MRPS22: variants seen among roughly 807,000 people sequenced by gnomAD.
MRPS22 encodes mitochondrial ribosomal protein S22.
MRPS22 carries 30 observed loss-of-function variants against 44.0 expected under a neutral mutation model. The ratio of observed to expected loss-of-function variants is 0.68; its 90% CI spans 0.51 to 0.93. The LOEUF is 0.93. Among genes scored for constraint, MRPS22 ranks in the 40% least tolerant of loss-of-function variants. The pLI is 0.00. For missense variants in MRPS22, 447 were observed against 447.8 expected (o/e 1.00, Z 0.02); for synonymous variants, 165 against 154.4 (o/e 1.07, Z -0.51).
chr3:139,349,578 C>T, intron 3 of MRPS22: 1 of 219,130 alleles, frequency 4.6e-6, no homozygotes, highest in South Asian at 5.5e-5. Context: ...GGGTAAATTT[C>T]CAGTTGAATG....
chr3:139,347,789 C>T (rs1458569002), intron 2 of MRPS22, among the ~76,000 whole-genome samples: 1 of 152,204 alleles, frequency 6.6e-6, no homozygotes, highest in Non-Finnish European at 1.5e-5. Flanking sequence ...GCACCTAACT[C>T]ATAAGGTAAT....
At chr3:139,356,009 T>C (rs1941251472) in intron 7 of MRPS22, among the ~76,000 whole-genome samples, 1 of 152,162 alleles carries the variant, frequency 6.6e-6, no homozygotes, top group Admixed American at 6.5e-5. Context: ...TTGAGTGATG[T>C]GGTGCTAGCA....
chr3:139,355,538 T>C, intron 6 of MRPS22, 144 bp from the exon 7 acceptor site: 1 of 735,558 alleles, frequency 1.4e-6, no homozygotes, highest in South Asian at 1.6e-5. Context: ...CTTTTGAAAC[T>C]GTAAAACTGA....
intron 1 of MRPS22, among the ~76,000 whole-genome samples, chr3:139,345,719 A>C (rs565127097): frequency 3.3e-5 from 5 of 152,288 alleles, no homozygotes; most frequent in African/African-American, 1.2e-4. Flanking sequence ...TGTATGGCCT[A>C]CTGGATGATG....
chr3:139,350,726 A>G (rs867643432), intron 4 of MRPS22: 5 of 509,298 alleles, frequency 9.8e-6, no homozygotes, highest in South Asian at 4.1e-5. Context: ...GTGAGCCACC[A>G]TGCCTGGCCG....
intron 3 of MRPS22, chr3:139,349,318 C>A (rs1293251917): frequency 2.3e-6 from 1 of 433,084 alleles, no homozygotes; most frequent in Admixed American, 2.7e-5. Context: ...TTTTTTTTTT[C>A]GATTGGCAGT....
intron 6 of MRPS22, among the ~76,000 whole-genome samples, chr3:139,354,567 A>G (rs554552229): frequency 6.6e-6 from 1 of 152,206 alleles, no homozygotes; most frequent in South Asian, 2.1e-4. Flanking sequence ...GAAAAGCTTT[A>G]TGATACAACA....
intron 3 of MRPS22, chr3:139,348,538 A>C (rs149709950): frequency 1.8e-6 from 1 of 564,162 alleles, no homozygotes; most frequent in Admixed American, 2.8e-5. Flanking sequence ...TAATAGGCAC[A>C]GTATTTTCCA....
Position 139,352,696 on chromosome 3 carries a change from T to G in MRPS22, c.782T>G (p.Leu261Arg), listed in dbSNP as rs1208923971. ...EDIDKRGKYD[L>R]LRSTRYFGGM... Reference sequence around the variant, plus strand: ...ATAGATAAACGTGGAAAATATGACCTTTTACGTTCAACAAGATACTTTGGT... The same window carrying G: ...ATAGATAAACGTGGAAAATATGACCGTTTACGTTCAACAAGATACTTTGGT... The change falls in exon 6 of 8, where the codon CTT (leucine) becomes CGT (arginine). Residue 261 changes from leucine (L) to arginine (R), a missense_variant. Coordinates refer to ENST00000680020, the MANE Select transcript of MRPS22 (RefSeq NM_020191.4). The G allele has an allele frequency of 6.2e-7, 1 of 1,613,370 alleles. No individual in the cohort carries two copies. The highest frequency in any genetic ancestry group is 1.3e-5 in the African/African-American group (1 of 74,928).
At chr3:139,354,297 A>C (rs1234797569) in intron 6 of MRPS22, among the ~76,000 whole-genome samples, 6 of 152,206 alleles carry the variant, frequency 3.9e-5, no homozygotes, top group Admixed American at 3.3e-4. Context: ...TTTGCTCTTT[A>C]AGTATGGGTG....
chr3:139,352,185 T>C (rs987787459), intron 5 of MRPS22: 1 of 174,990 alleles, frequency 5.7e-6, no homozygotes, highest in African/African-American at 2.4e-5. Context: ...GTACTTAATA[T>C]GGCTATAAAT....
intron 5 of MRPS22, 95 bp downstream of exon 5, chr3:139,351,155 C>T (rs1941144188): frequency 1.1e-6 from 1 of 920,590 alleles, no homozygotes; most frequent in Non-Finnish European, 1.8e-6. Flanking sequence ...AGTTTTGATA[C>T]AGGGGAAAGG....
chr3:139,348,049 CCTT>C (rs1163500992), intron 2 of MRPS22, 108 bp from the exon 3 acceptor site: 1 of 1,133,662 alleles, frequency 8.8e-7, no homozygotes, highest in Non-Finnish European at 1.3e-6. Context: ...TGTGGCTACA[CCTT>C]CTTTTCTATG....
chr3:139,355,709 G>T lies in MRPS22; in HGVS notation c.906G>T (p.Gln302His), dbSNP rs776979865. 108 of 1,614,040 alleles carry T rather than the reference G, an allele frequency of 6.7e-5. No homozygotes were observed. Among genetic ancestry groups the T allele is most frequent in the Non-Finnish European group, 8.9e-5 (105 of 1,180,002 alleles). Residue 302 changes from glutamine (Q) to histidine (H), a missense_variant, in exon 7 of 8, where the codon CAG becomes CAT. Physicochemically the swap from Gln to His is conservative, Grantham distance 24 (BLOSUM62 0). Transcript: ENST00000680020. ...TCGATGATGCAACCAACTTGGTCCA[G>T]CTGTATCACGTGCTCCATCCAGATG... is the stretch of plus-strand genomic sequence containing the variant. ...DLIDDATNLV[Q>H]LYHVLHPDGQ...
At chr3:139,344,374 G>T (rs1242471076) in intron 1 of MRPS22, among the ~76,000 whole-genome samples, 176 bp downstream of exon 1, 1 of 152,156 alleles carries the variant, frequency 6.6e-6, no homozygotes, top group African/African-American at 2.4e-5. Context: ...CTGTTCATTC[G>T]TTCACTCACT....
chr3:139,350,399 A>G, intron 4 of MRPS22, 77 bp downstream of exon 4: 1 of 1,500,952 alleles, frequency 6.7e-7, no homozygotes, highest in South Asian at 1.2e-5. Flanking sequence ...TTGTGCCTTG[A>G]TCCAGATAAA....
At chr3:139,347,389 T>C (rs1475803622) in intron 2 of MRPS22, among the ~76,000 whole-genome samples, 1 of 152,040 alleles carries the variant, frequency 6.6e-6, no homozygotes, top group South Asian at 2.1e-4. Context: ...TTTGGGGAGA[T>C]TGTGAGATCC....
In MRPS22 at chr3:139,348,191, TA is replaced by T. The variant is rs1941081900; in HGVS notation, c.372del (p.Arg125AspfsTer2). 1 of 1,614,162 alleles carries T rather than the reference TA, an allele frequency of 6.2e-7. No individual in the cohort carries two copies. The highest frequency in any genetic ancestry group is 8.5e-7 in the Non-Finnish European group (1 of 1,180,016). ...ATRQAVEAAK[V>X]RLKMPPVLEE... The stretch of plus-strand genomic sequence containing the variant: ...AGACAGGCAGTTGAGGCAGCTAAAG[TA>T]CGATTAAAAATGCCACCAGTTCTGG... On this transcript the variant is annotated frameshift_variant, in exon 3 of 8. Coordinates refer to ENST00000680020, the MANE Select transcript of MRPS22 (RefSeq NM_020191.4). LOFTEE classifies it high-confidence loss of function.
chr3:139,345,457 T>G lies in MRPS22; in HGVS notation c.172+1259T>G, dbSNP rs554480908. ...AGTGGTGTTTTTTTTTTTGTTTTTT[T>G]TTTTTTTTTGTAAAATTGGGATAAT... is the stretch of plus-strand genomic sequence containing the variant. On this transcript the variant is annotated intron_variant, in intron 1 of 7. Transcript: ENST00000680020. Among the ~76,000 whole-genome samples, 218 of 148,902 alleles carry G rather than the reference T, an allele frequency of 1.5e-3. 2 individuals are homozygous for G. The highest frequency in any genetic ancestry group is 4.7e-3 in the African/African-American group (192 of 41,032).
Sources: gnomAD v4.1 joint callset for allele counts (sites outside exome capture counted in the v4.1 genomes callset) on GRCh38, gnomAD v4.1.1 for gene constraint, MANE v1.5 for transcripts, NCBI Gene and HGNC (gene_info 2026-07-23, HGNC 2026-07-21) for gene names.